CPNE4: variants seen among roughly 807,000 people sequenced by gnomAD.
The protein encoded by CPNE4 is copine-4.
Under a neutral mutation model 67.9 loss-of-function variants are expected in CPNE4, and 25 were observed. The observed-to-expected ratio is 0.37, with a 90% CI of 0.27 to 0.51. The LOEUF is 0.51. Ranked by LOEUF, CPNE4 falls within the 20% of genes least tolerant of loss-of-function variation. The pLI is 0.93. For missense variants in CPNE4, 464 were observed against 690.8 expected (o/e 0.67, Z 3.68); for synonymous variants, 242 against 244.9 (o/e 0.99, Z 0.11).
At chr3:131,889,831 A>G (rs1305459308) in intron 2 of CPNE4, among the ~76,000 whole-genome samples, 1 of 152,192 alleles carries the variant, frequency 6.6e-6, no homozygotes, top group African/African-American at 2.4e-5. Context: ...TGCCAAGGAC[A>G]CACAATGGAG....
chr3:131,803,654 T>C (rs1215102508), intron 2 of CPNE4, among the ~76,000 whole-genome samples: 1 of 152,210 alleles, frequency 6.6e-6, no homozygotes, highest in Non-Finnish European at 1.5e-5. Context: ...TGAAAACCCA[T>C]ACTTTAGACA....
At chr3:131,961,505 G>C (rs2072175042) in intron 1 of CPNE4, among the ~76,000 whole-genome samples, 1 of 152,170 alleles carries the variant, frequency 6.6e-6, no homozygotes, top group South Asian at 2.1e-4. Context: ...GGGTGACTGT[G>C]CTAAGATACA....
intron 2 of CPNE4, among the ~76,000 whole-genome samples, chr3:131,724,800 A>G (rs911558314): frequency 1.2e-4 from 19 of 152,100 alleles, no homozygotes; most frequent in African/African-American, 3.6e-4. Context: ...ATTCCCGTGT[A>G]CAGAGTTTAG....
At chr3:131,859,673 A>G (rs114381518) in intron 2 of CPNE4, among the ~76,000 whole-genome samples, 2,159 of 152,300 alleles carry the variant, frequency 0.014, 47 homozygotes, top group African/African-American at 0.048. Context: ...TTGAGCACCA[A>G]TGGTGTCCAC....
chr3:131,742,103 G>A (rs2082371979), intron 2 of CPNE4, among the ~76,000 whole-genome samples: 1 of 152,112 alleles, frequency 6.6e-6, no homozygotes, highest in Non-Finnish European at 1.5e-5. Flanking sequence ...CAGATATTTG[G>A]TTAAATATTA....
At chr3:131,718,678 C>T (rs1167197494) in intron 3 of CPNE4, among the ~76,000 whole-genome samples, 2 of 152,174 alleles carry the variant, frequency 1.3e-5, no homozygotes, top group African/African-American at 4.8e-5. Context: ...ATTCACATTT[C>T]TATTGTAGTG....
chr3:131,666,114 T>TAAAATATGCTACAAAACGTAGCATAC (rs914840348), intron 7 of CPNE4, among the ~76,000 whole-genome samples: 4 of 152,122 alleles, frequency 2.6e-5, no homozygotes, highest in Non-Finnish European at 4.4e-5. Context: ...TACCAGGTAT[T>TAAAATATGCTACAAAACGTAGCATAC]AAAATATGCT....
At chr3:131,868,297 G>A (rs953041462) in intron 2 of CPNE4, among the ~76,000 whole-genome samples, 12 of 152,074 alleles carry the variant, frequency 7.9e-5, no homozygotes, top group Admixed American at 2.6e-4. Flanking sequence ...CAGAAGCACC[G>A]TTACAATTTT....
At chr3:131,712,348 C>A (rs2081579296) in intron 3 of CPNE4, among the ~76,000 whole-genome samples, 2 of 152,296 alleles carry the variant, frequency 1.3e-5, no homozygotes, top group Admixed American at 1.3e-4. Flanking sequence ...AAAAATATAT[C>A]CTCCCAGTCT....
intron 2 of CPNE4, among the ~76,000 whole-genome samples, chr3:131,792,613 A>G (rs58794546): frequency 0.35 from 28,510 of 82,634 alleles, 6,426 homozygotes; most frequent in Non-Finnish European, 0.41. Context: ...GTGTGTGTGT[A>G]TATATGTATA....
chr3:131,619,388 C>T (rs1286499584), intron 7 of CPNE4, among the ~76,000 whole-genome samples: 1 of 152,096 alleles, frequency 6.6e-6, no homozygotes, highest in Non-Finnish European at 1.5e-5. Context: ...TTTGCAGAGT[C>T]AGTCAGCATC....
intron 7 of CPNE4, among the ~76,000 whole-genome samples, chr3:131,660,628 G>A (rs990109647): frequency 1.3e-5 from 2 of 152,166 alleles, no homozygotes; most frequent in African/African-American, 2.4e-5. Context: ...AGGTTCCAGA[G>A]TCATAAAGAC....
At chr3:131,743,969 A>AAACAAAAC (rs1553763668) in intron 2 of CPNE4, among the ~76,000 whole-genome samples, 2 of 148,374 alleles carry the variant, frequency 1.3e-5, no homozygotes, top group East Asian at 3.9e-4. Flanking sequence ...TCTCAAAAAA[A>AAACAAAAC]AAAAAAAAAA....
chr3:131,887,596 GAGGT>G (rs879916338), intron 2 of CPNE4, among the ~76,000 whole-genome samples: 3 of 152,138 alleles, frequency 2.0e-5, no homozygotes, highest in Admixed American at 2.0e-4. Context: ...ATTATTTCCA[GAGGT>G]GGTAGACTTC....
In CPNE4 at chr3:131,895,603, T is replaced by C. The variant is rs1027661349; in HGVS notation, c.180+9661A>G. Among the ~76,000 whole-genome samples the C allele has an allele frequency of 2.6e-5, 4 of 152,026 alleles. 1 individual carries two copies. Among genetic ancestry groups the C allele is most frequent in the Admixed American group, 2.6e-4 (4 of 15,234 alleles). On this transcript the variant is annotated intron_variant, in intron 2 of 15. Coordinates refer to ENST00000429747, the MANE Select transcript of CPNE4 (RefSeq NM_130808.3). ...ATAAACTGAATATGAAAATTTATAC[T>C]AACAAACTAAACTACAAGTTAATCC...
chr3:131,944,316 G>T (rs1003408490), intron 1 of CPNE4, among the ~76,000 whole-genome samples: 2 of 151,970 alleles, frequency 1.3e-5, no homozygotes, highest in Non-Finnish European at 2.9e-5. Flanking sequence ...ATGACTTCAT[G>T]GTGTGGGCAA....
At chr3:131,840,654 C>T (rs1367862647) in intron 2 of CPNE4, among the ~76,000 whole-genome samples, 1 of 152,160 alleles carries the variant, frequency 6.6e-6, no homozygotes, top group East Asian at 1.9e-4. Flanking sequence ...TATTAACTAG[C>T]TTTTTGTGCC....
chr3:131,800,571 C>G (rs1470490574), intron 2 of CPNE4, among the ~76,000 whole-genome samples: 2 of 152,056 alleles, frequency 1.3e-5, no homozygotes, highest in Non-Finnish European at 2.9e-5. Flanking sequence ...AGTGCAGTAA[C>G]TTTTGTGGGA....
chr3:131,978,811 T>C (rs1374037979), intron 1 of CPNE4, among the ~76,000 whole-genome samples: 1 of 151,562 alleles, frequency 6.6e-6, no homozygotes, highest in African/African-American at 2.4e-5. Flanking sequence ...CTTTAATTCT[T>C]TTTGATGTAG....
Sources: gnomAD v4.1 joint callset for allele counts (sites outside exome capture counted in the v4.1 genomes callset) on GRCh38, gnomAD v4.1.1 for gene constraint, MANE v1.5 for transcripts, NCBI Gene and HGNC (gene_info 2026-07-23, HGNC 2026-07-21) for gene names.